The following CSTPP1 variants were observed in gnomAD, a reference collection of about 807,000 sequenced individuals.
CSTPP1 encodes UPF0705 protein C11orf49.
At chr11:47,064,264 GTCA>G in the CSTPP1 span, among the ~76,000 whole-genome samples, 3 of 151,976 alleles carry the variant, frequency 2.0e-5, no homozygotes, top group East Asian at 5.8e-4. Flanking sequence ...TGTTCTGTAG[GTCA>G]TCTTTTCACT....
At chr11:47,022,120 T>C in the CSTPP1 span, among the ~76,000 whole-genome samples, 2 of 144,044 alleles carry the variant, frequency 1.4e-5, no homozygotes, top group Non-Finnish European at 3.0e-5. Flanking sequence ...ATTTCAGACA[T>C]GTGGAAAGCA....
At chr11:47,046,895 A>G in the CSTPP1 span, among the ~76,000 whole-genome samples, 2 of 109,348 alleles carry the variant, frequency 1.8e-5, no homozygotes, top group South Asian at 2.7e-4. Context: ...ATTGAACACA[A>G]TTTCTTTTCT....
the CSTPP1 span, among the ~76,000 whole-genome samples, chr11:47,047,276 T>C: frequency 6.6e-6 from 1 of 152,160 alleles, no homozygotes; most frequent in African/African-American, 2.4e-5. Flanking sequence ...TCATATGGAA[T>C]AGCCAGGACA....
chr11:47,143,296 G>A, the CSTPP1 span, among the ~76,000 whole-genome samples: 1 of 152,212 alleles, frequency 6.6e-6, no homozygotes, highest in Non-Finnish European at 1.5e-5. Flanking sequence ...ACTGCAAATG[G>A]AGGTGGTAGA....
chr11:47,138,002 C>T, the CSTPP1 span: 1 of 532,112 alleles, frequency 1.9e-6, no homozygotes, highest in East Asian at 3.2e-5. Flanking sequence ...GCCCAGACCC[C>T]TCCAATACCC....
chr11:46,976,422 CAGT>C, the CSTPP1 span, among the ~76,000 whole-genome samples: 1 of 140,974 alleles, frequency 7.1e-6, no homozygotes, highest in East Asian at 2.0e-4. Context: ...CACACACACA[CAGT>C]ACACACACAC....
the CSTPP1 span, chr11:47,157,957 G>A: frequency 1.3e-6 from 2 of 1,568,306 alleles, no homozygotes; most frequent in Non-Finnish European, 1.8e-6. Context: ...AGCCTCTCCT[G>A]CCGCACAACA....
the CSTPP1 span, among the ~76,000 whole-genome samples, chr11:47,005,460 A>G: frequency 6.6e-6 from 1 of 152,240 alleles, no homozygotes; most frequent in African/African-American, 2.4e-5. Flanking sequence ...AAGACCTTAT[A>G]TAATGGCATT....
At chr11:47,034,096 T>C in the CSTPP1 span, among the ~76,000 whole-genome samples, 2 of 151,274 alleles carry the variant, frequency 1.3e-5, no homozygotes, top group African/African-American at 4.8e-5. Flanking sequence ...ACTTAAAGTA[T>C]AATAAAAATA....
chr11:47,144,736 G>A, the CSTPP1 span, among the ~76,000 whole-genome samples: 32 of 152,226 alleles, frequency 2.1e-4, no homozygotes, highest in East Asian at 4.6e-3. Context: ...ATTTGAGGCC[G>A]AAGTGACAAA....
the CSTPP1 span, among the ~76,000 whole-genome samples, chr11:47,005,193 G>GT: frequency 6.6e-6 from 1 of 152,064 alleles, no homozygotes; most frequent in Non-Finnish European, 1.5e-5. Context: ...TAAGATAGTG[G>GT]TTTTTTTGTT....
At chr11:47,043,418 G>C in the CSTPP1 span, among the ~76,000 whole-genome samples, 1 of 151,980 alleles carries the variant, frequency 6.6e-6, no homozygotes, top group Non-Finnish European at 1.5e-5. Context: ...GAAGCAGACA[G>C]CCTTACAGCC....
At chr11:47,145,552 C>T in the CSTPP1 span, among the ~76,000 whole-genome samples, 2 of 152,092 alleles carry the variant, frequency 1.3e-5, no homozygotes, top group Non-Finnish European at 2.9e-5. Context: ...GCAGAGGTTG[C>T]AGTGAGCTGA....
chr11:46,952,597 G>T, the CSTPP1 span, among the ~76,000 whole-genome samples: 1 of 152,124 alleles, frequency 6.6e-6, no homozygotes, highest in Non-Finnish European at 1.5e-5. Flanking sequence ...GTCAGTATTT[G>T]GTTTTTGTCC....
chr11:46,992,356 T>A, the CSTPP1 span, among the ~76,000 whole-genome samples: 2 of 151,932 alleles, frequency 1.3e-5, no homozygotes, highest in Non-Finnish European at 2.9e-5. Context: ...GTCATTTACA[T>A]TGGGTATATC....
chr11:47,016,075 C>T, the CSTPP1 span, among the ~76,000 whole-genome samples: 1 of 152,036 alleles, frequency 6.6e-6, no homozygotes, highest in African/African-American at 2.4e-5. Flanking sequence ...TGAGATCATG[C>T]CACTGTACTC....
the CSTPP1 span, among the ~76,000 whole-genome samples, chr11:47,094,934 A>T: frequency 6.6e-6 from 1 of 152,252 alleles, no homozygotes; most frequent in Non-Finnish European, 1.5e-5. Flanking sequence ...TCATCTTTTA[A>T]CCATTTCATT....
the CSTPP1 span, among the ~76,000 whole-genome samples, chr11:47,015,296 G>A: frequency 1.3e-5 from 2 of 151,270 alleles, no homozygotes; most frequent in East Asian, 3.9e-4. Flanking sequence ...GTGAAACCCC[G>A]TCTCTACTAA....
the CSTPP1 span, among the ~76,000 whole-genome samples, chr11:47,087,677 A>C: frequency 6.6e-6 from 1 of 152,082 alleles, no homozygotes; most frequent in Non-Finnish European, 1.5e-5. Flanking sequence ...CCAGCCTGGC[A>C]ACATGGCGAG....
Sources: allele counts gnomAD v4.1 joint callset (sites outside exome capture counted in the v4.1 genomes callset), GRCh38; gene constraint gnomAD v4.1.1; transcripts MANE v1.5; gene names NCBI Gene and HGNC (gene_info 2026-07-23, HGNC 2026-07-21).